The following RANBP2 variants were observed in gnomAD, a reference collection of about 807,000 sequenced individuals.
RANBP2 encodes E3 SUMO-protein ligase RanBP2.
In RANBP2, 57 loss-of-function variants were observed where a neutral mutation model predicts 303.6. That is an observed-to-expected ratio of 0.19 (90% CI 0.15 to 0.23). The LOEUF (loss-of-function observed/expected upper bound fraction) is 0.23, where lower values mean the gene tolerates loss of function less well. Among genes scored for constraint, RANBP2 ranks in the 10% least tolerant of loss-of-function variants. The pLI, the probability that RANBP2 is intolerant of heterozygous loss-of-function variation, is 1.00. For synonymous variants in RANBP2, 1,167 were observed against 1,301.5 expected, an observed-to-expected ratio of 0.90 and a Z score of 2.23; for missense variants, 3,138 against 3,780.8, an observed-to-expected ratio of 0.83 and a Z score of 4.46.
At chr2:109,614,517 G>C in the RANBP2 span, 5 of 1,261,074 alleles carry the variant, frequency 4.0e-6, no homozygotes, top group East Asian at 1.3e-4. Flanking sequence ...GTGGGGCCCC[G>C]AGGCGGCGCT....
At chr2:108,872,595 C>G in the RANBP2 span, among the ~76,000 whole-genome samples, 2 of 152,020 alleles carry the variant, frequency 1.3e-5, no homozygotes, top group African/African-American at 4.8e-5. Flanking sequence ...GCTGGGAAAT[C>G]CAGTATCAAG....
At chr2:109,202,155 T>C in the RANBP2 span, among the ~76,000 whole-genome samples, 1 of 152,128 alleles carries the variant, frequency 6.6e-6, no homozygotes, top group Non-Finnish European at 1.5e-5. Context: ...ACTTACAGCT[T>C]GTAGATGAAC....
At chr2:109,577,912 CAAAAA>C in the RANBP2 span, among the ~76,000 whole-genome samples, 2 of 92,342 alleles carry the variant, frequency 2.2e-5, no homozygotes, top group Admixed American at 1.3e-4. Flanking sequence ...GACTTTGTCT[CAAAAA>C]AAAAAAAAAA....
At chr2:108,816,495 A>C in the RANBP2 span, among the ~76,000 whole-genome samples, 2 of 152,088 alleles carry the variant, frequency 1.3e-5, no homozygotes, top group African/African-American at 4.8e-5. Context: ...GCCTCTGATG[A>C]GGCCCTTCTT....
chr2:109,018,326 G>A, the RANBP2 span, among the ~76,000 whole-genome samples: 1 of 152,206 alleles, frequency 6.6e-6, no homozygotes, highest in East Asian at 1.9e-4. Context: ...GAATCACAAA[G>A]GTGAGGTCTC....
the RANBP2 span, among the ~76,000 whole-genome samples, chr2:109,366,315 G>A: frequency 6.6e-6 from 1 of 152,290 alleles, no homozygotes; most frequent in South Asian, 2.1e-4. Context: ...GTAAATTACA[G>A]TAAATTCATA....
At chr2:108,782,491 T>A (rs1229115897) in intron 27 of RANBP2, 37 bp from the exon 28 acceptor site, 4 of 1,613,390 alleles carry the variant, frequency 2.5e-6, no homozygotes, top group Non-Finnish European at 3.4e-6. Flanking sequence ...GTTATTTTAA[T>A]ACTAAGGTCA....
chr2:109,425,067 T>C, the RANBP2 span, among the ~76,000 whole-genome samples: 16 of 152,348 alleles, frequency 1.1e-4, no homozygotes, highest in African/African-American at 3.8e-4. Flanking sequence ...AACAGCCTAA[T>C]TGCTGATACG....
the RANBP2 span, among the ~76,000 whole-genome samples, chr2:109,684,782 G>A: frequency 0.011 from 1,617 of 151,826 alleles, 40 homozygotes; most frequent in African/African-American, 0.037. Flanking sequence ...TGATCCGCCC[G>A]CCTCGGCCTC....
At chr2:108,888,765 G>T in the RANBP2 span, among the ~76,000 whole-genome samples, 2 of 151,528 alleles carry the variant, frequency 1.3e-5, no homozygotes. Context: ...TTTTCATGTT[G>T]TTGAGTCTTT....
chr2:109,525,970 A>T, the RANBP2 span, among the ~76,000 whole-genome samples: 17 of 152,020 alleles, frequency 1.1e-4, no homozygotes, highest in Admixed American at 5.9e-4. Context: ...TCTGCAGCCC[A>T]CTGTGGCCCA....
the RANBP2 span, among the ~76,000 whole-genome samples, chr2:109,201,643 T>C: frequency 6.6e-6 from 1 of 152,198 alleles, no homozygotes; most frequent in African/African-American, 2.4e-5. Context: ...TTTGGGACGT[T>C]TGTGTCAGGA....
chr2:109,385,351 C>T, the RANBP2 span, among the ~76,000 whole-genome samples: 1 of 152,252 alleles, frequency 6.6e-6, no homozygotes, highest in Non-Finnish European at 1.5e-5. Context: ...TGCACAACCC[C>T]AGTGTCCCCT....
chr2:109,073,141 C>T, the RANBP2 span, among the ~76,000 whole-genome samples: 8,748 of 152,176 alleles, frequency 0.057, 315 homozygotes, highest in Middle Eastern at 0.085. Flanking sequence ...AGACCTGTCA[C>T]AAAGATGCTC....
chr2:109,457,310 A>G, the RANBP2 span, among the ~76,000 whole-genome samples: 5 of 152,344 alleles, frequency 3.3e-5, no homozygotes, highest in East Asian at 9.6e-4. Flanking sequence ...TAAAAGATCA[A>G]AGGAGGGGTT....
At position 108,753,792 on chromosome 2, in the gene RANBP2, C is replaced by G. The variant is rs201966768; in HGVS notation, c.2056-33C>G. On this transcript the variant is annotated intron_variant, in intron 14 of 28. Coordinates refer to ENST00000283195, the MANE Select transcript of RANBP2 (RefSeq NM_006267.5). ...AGCTAAAAGTTTTTTGTTTTAAAAACCTAATGATTTCATAAAAGCACTATT... is the reference window on the plus strand; with the variant it reads ...AGCTAAAAGTTTTTTGTTTTAAAAAGCTAATGATTTCATAAAAGCACTATT... 20,426 of 1,565,430 alleles carry G rather than the reference C, an allele frequency of 0.013. 805 individuals are homozygous for G. Among genetic ancestry groups the G allele is most frequent in the Middle Eastern group, 0.016 (69 of 4,356 alleles).
chr2:109,282,179 T>A, the RANBP2 span, among the ~76,000 whole-genome samples: 1 of 152,264 alleles, frequency 6.6e-6, no homozygotes, highest in African/African-American at 2.4e-5. Context: ...CTATTTTTCT[T>A]TTTATCTTGT....
the RANBP2 span, chr2:108,896,883 G>C: frequency 6.2e-7 from 1 of 1,602,086 alleles, no homozygotes; most frequent in African/African-American, 1.3e-5. Context: ...CTTGTCCTGG[G>C]AGGACAGCCC....
chr2:109,249,320 C>G, the RANBP2 span, among the ~76,000 whole-genome samples: 1 of 152,150 alleles, frequency 6.6e-6, no homozygotes, highest in African/African-American at 2.4e-5. Context: ...GGAAGGAAAC[C>G]TAACACATAA....
Sources: allele counts gnomAD v4.1 joint callset (sites outside exome capture counted in the v4.1 genomes callset), GRCh38; gene constraint gnomAD v4.1.1; transcripts MANE v1.5; gene names NCBI Gene and HGNC (gene_info 2026-07-23, HGNC 2026-07-21).